The following ARID1B variants were observed in gnomAD, a reference collection of about 807,000 sequenced individuals.
The protein encoded by ARID1B is AT-rich interaction domain 1B, also known as AT-rich interactive domain-containing protein 1B.
A neutral mutation model predicts 212.3 loss-of-function variants in ARID1B; 30 were observed. The ratio of observed to expected loss-of-function variants is 0.14; its 90% CI spans 0.11 to 0.19. The LOEUF (loss-of-function observed/expected upper bound fraction) is 0.19, where lower values mean the gene tolerates loss of function less well. ARID1B is among the 10% of genes least tolerant of loss of function. The pLI is 1.00. For missense variants in ARID1B, 2,891 were observed against 3,204.0 expected, an observed-to-expected ratio of 0.90 and a Z score of 2.36; for synonymous variants, 1,402 against 1,301.7, an observed-to-expected ratio of 1.08 and a Z score of -1.66.
At position 156,951,496 on chromosome 6, in the gene ARID1B, T is replaced by G. The variant is rs533651205; in HGVS notation, c.2247+15920T>G. Among the ~76,000 whole-genome samples the G allele has an allele frequency of 6.6e-5, 10 of 152,138 alleles. No homozygotes were observed. In the East Asian group the frequency reaches 1.4e-3, roughly 21 times the overall value. ...TCTCGCTCTGTCATCCAGGCTGGAG[T>G]GCAGTGGTGCCATCTCGGCTCACTG... On this transcript the variant is annotated intron_variant, in intron 4 of 19. Coordinates refer to ENST00000636930, the MANE Select transcript of ARID1B (RefSeq NM_001374828.1).
rs2128373621 is a variant in ARID1B, at chr6:157,200,958, C to T, written c.4733C>T (p.Ser1578Phe). 2 of 1,614,050 alleles carry T rather than the reference C, an allele frequency of 1.2e-6. No individual in the cohort carries two copies. The highest frequency in any genetic ancestry group is 1.7e-6 in the Non-Finnish European group (2 of 1,179,998). ...ATGATGGGCGGCCCGCTGCAGTCGTCCTCCAGTGAGGGGCCTCAGCAGAAT... is the reference window on the plus strand; with the variant it reads ...ATGATGGGCGGCCCGCTGCAGTCGTTCTCCAGTGAGGGGCCTCAGCAGAAT... ...PQMMGGPLQS[S>F]SSEGPQQNMW... is the part of the protein sequence containing the mutation. The change falls in exon 18 of 20, where the codon TCC (serine) becomes TTC (phenylalanine). Residue 1578 changes from serine to phenylalanine, a missense_variant. Coordinates refer to ENST00000636930, the MANE Select transcript of ARID1B (RefSeq NM_001374828.1). This position sits in a 1 kb window ranked among gnomAD's most constrained non-coding sequence, Gnocchi z 4.3.
chr6:156,960,344 T>C (rs1794288748), intron 4 of ARID1B, among the ~76,000 whole-genome samples: 1 of 152,210 alleles, frequency 6.6e-6, no homozygotes, highest in South Asian at 2.1e-4. Flanking sequence ...GACGTCCTTA[T>C]TGACTCATAG....
At chr6:156,966,874 A>AT (rs2128336896) in intron 4 of ARID1B, among the ~76,000 whole-genome samples, 2 of 150,902 alleles carry the variant, frequency 1.3e-5, no homozygotes, top group East Asian at 3.9e-4. Flanking sequence ...CTAATTTTAT[A>AT]TTTTTAGTAG....
chr6:156,965,791 G>A (rs763502289), intron 4 of ARID1B, among the ~76,000 whole-genome samples: 6 of 152,064 alleles, frequency 3.9e-5, no homozygotes, highest in African/African-American at 1.4e-4. Flanking sequence ...TCCAAAAGTC[G>A]TATTTAAATA....
chr6:156,974,807 T>G (rs1380092962), intron 4 of ARID1B, among the ~76,000 whole-genome samples: 1 of 152,244 alleles, frequency 6.6e-6, no homozygotes, highest in Admixed American at 6.5e-5. Flanking sequence ...ACATGCAGTA[T>G]ATGAACTTTA....
At chr6:157,114,612 T>G (rs1787198537) in intron 6 of ARID1B, among the ~76,000 whole-genome samples, 5 of 150,956 alleles carry the variant, frequency 3.3e-5, no homozygotes, top group Admixed American at 3.3e-4. Flanking sequence ...TCTGTACTGC[T>G]GAGTGCTGAA....
rs1782987240 is a variant in ARID1B at position 156,829,424 on chromosome 6, T to C, written c.1986+3T>C. 1 of 1,613,310 alleles carries C rather than the reference T, an allele frequency of 6.2e-7. No homozygotes were observed. Among genetic ancestry groups the C allele is most frequent in the African/African-American group, 1.3e-5 (1 of 75,020 alleles). ...GAATGCAGTACCCTCAGCAGCAGGT[T>C]TGTGCTGGTCCCCCGACCCGCTGCT... is the stretch of plus-strand genomic sequence containing the variant. On this transcript the variant is annotated splice_donor_region_variant and intron_variant, in intron 2 of 19. Coordinates refer to ENST00000636930, the MANE Select transcript of ARID1B (RefSeq NM_001374828.1).
chr6:157,085,285 A>C (rs189216846), intron 5 of ARID1B, among the ~76,000 whole-genome samples: 6 of 152,288 alleles, frequency 3.9e-5, no homozygotes, highest in Non-Finnish European at 8.8e-5. Flanking sequence ...TTGTGGTTCT[A>C]TTCAATACTT....
At chr6:157,020,832 T>C (rs187291144) in intron 4 of ARID1B, among the ~76,000 whole-genome samples, 58 of 152,338 alleles carry the variant, frequency 3.8e-4, no homozygotes, top group African/African-American at 1.2e-3. Context: ...CTGTACGTGG[T>C]TTCTTTGGCT....
In ARID1B at chr6:157,018,026, A is replaced by G. The variant is rs547722185; in HGVS notation, c.2248-66636A>G. 2.0e-5 allele frequency among the ~76,000 whole-genome samples: 3 copies of G among 151,174 alleles called. No homozygotes were observed. The South Asian group carries it at 6.3e-4, about 32-fold the overall frequency. On this transcript the variant is annotated intron_variant, in intron 4 of 19. Transcript: ENST00000636930. Reference sequence around the variant, plus strand: ...ATGTGCTTGTAGTCCCAGTTACTCAAGGGGCTAAGGTGGGAGGATAGGTTG... The same window carrying G: ...ATGTGCTTGTAGTCCCAGTTACTCAGGGGGCTAAGGTGGGAGGATAGGTTG...
At chr6:156,806,694 T>G (rs1044362987) in intron 1 of ARID1B, among the ~76,000 whole-genome samples, 1 of 152,202 alleles carries the variant, frequency 6.6e-6, no homozygotes, top group African/African-American at 2.4e-5. Flanking sequence ...AATCTGAGCT[T>G]TTGCACCTCA....
chr6:156,844,427 C>A (rs982209688), intron 2 of ARID1B, among the ~76,000 whole-genome samples: 1 of 152,190 alleles, frequency 6.6e-6, no homozygotes. Context: ...TATATGATTT[C>A]TATTAACCTT....
At chr6:156,787,177 C>G (rs1263369096) in intron 1 of ARID1B, among the ~76,000 whole-genome samples, 1 of 151,808 alleles carries the variant, frequency 6.6e-6, no homozygotes, top group Non-Finnish European at 1.5e-5. Flanking sequence ...GGTCCTTTTT[C>G]TTTTTCTCAG....
intron 13 of ARID1B, chr6:157,186,566 G>A: frequency 2.1e-6 from 1 of 470,114 alleles, no homozygotes; most frequent in Non-Finnish European, 4.4e-6. Flanking sequence ...CATCATTAGG[G>A]AAAGTGTCTG....
Position 156,875,511 on chromosome 6 carries a change from T to G in ARID1B, c.1987-25865T>G, listed in dbSNP as rs938698420. 3.3e-5 allele frequency among the ~76,000 whole-genome samples: 5 copies of G among 152,220 alleles called. 1 individual carries two copies. Among genetic ancestry groups the G allele is most frequent in the African/African-American group, 1.2e-4 (5 of 41,462 alleles). ...TTGACCAGCTGTATTCGATTCTGGA[T>G]TAATGTTTTTGATTATTTTTATTTC... On this transcript the variant is annotated intron_variant, in intron 2 of 19. Coordinates refer to ENST00000636930, the MANE Select transcript of ARID1B (RefSeq NM_001374828.1).
intron 2 of ARID1B, among the ~76,000 whole-genome samples, chr6:156,844,434 CCTTA>C (rs1784097233): frequency 6.6e-6 from 1 of 152,298 alleles, no homozygotes; most frequent in South Asian, 2.1e-4. Flanking sequence ...TTTCTATTAA[CCTTA>C]CTTTCTTCTG....
rs1792473214 is a variant in ARID1B, at chr6:157,181,004, C to G, written c.3540C>G (p.Ile1180Met). Reference protein sequence around the residue: ...SSSSTTTGEKITKVYELGNEP... With the variant: ...SSSSTTTGEKMTKVYELGNEP... ...CCTCCACCACTACTGGGGAGAAGAT[C>G]ACGAAGGTGTACGAGCTGGGGAATG... Residue 1180 changes from isoleucine to methionine, a missense_variant, in exon 12 of 20, where the codon ATC (isoleucine) becomes ATG (methionine). Coordinates refer to ENST00000636930, the MANE Select transcript of ARID1B (RefSeq NM_001374828.1). 1.9e-6 allele frequency: 3 copies of G among 1,614,012 alleles called. No individual in the cohort carries two copies. Among genetic ancestry groups the G allele is most frequent in the Non-Finnish European group, 2.5e-6 (3 of 1,180,014 alleles).
At position 157,209,923 on chromosome 6, in the gene ARID1B, T is replaced by C; in HGVS notation, c.*2032T>C. On this transcript the variant is annotated 3_prime_UTR_variant, in exon 20 of 20. Transcript: ENST00000636930. ...TGAAACTGCTGCATAATTATGCTGT[T>C]AGTGGACCTCTACCTCTTCTCTTCC... 4.3e-6 allele frequency: 1 copy of C among 233,258 alleles called. No individual in the cohort carries two copies. The highest frequency in any genetic ancestry group is 8.5e-6 in the Non-Finnish European group (1 of 118,046). 14.4% of individuals were successfully genotyped at this position (233,258 alleles called of 1,614,324 possible). A position where few individuals can be genotyped will look rare whatever the true frequency, so the allele number is the denominator to read the frequency against.
intron 4 of ARID1B, among the ~76,000 whole-genome samples, chr6:157,040,141 T>C (rs1359638584): frequency 4.6e-5 from 7 of 152,148 alleles, no homozygotes; most frequent in Non-Finnish European, 8.8e-5. Context: ...GGTTTCACCA[T>C]GTTGGCCAGG....
Sources: allele counts gnomAD v4.1 joint callset (sites outside exome capture counted in the v4.1 genomes callset), GRCh38; gene constraint gnomAD v4.1.1; non-coding constraint Gnocchi (gnomAD v3.1); transcripts MANE v1.5; gene names NCBI Gene and HGNC (gene_info 2026-07-23, HGNC 2026-07-21).